ASTN1: variants seen among roughly 807,000 people sequenced by gnomAD.
ASTN1 encodes astrotactin-1.
ASTN1 carries 41 observed loss-of-function variants against 140.7 expected under a neutral mutation model. The observed-to-expected ratio is 0.29, with a 90% confidence interval of 0.23 to 0.38. The LOEUF is 0.38. ASTN1 is among the 10% of genes least tolerant of loss of function. ASTN1 has a pLI of 1.00. For synonymous variants in ASTN1, 640 were observed against 652.2 expected (o/e 0.98, Z 0.29); for missense variants, 1,479 against 1,678.8 (o/e 0.88, Z 2.08).
intron 2 of ASTN1, among the ~76,000 whole-genome samples, chr1:177,034,155 A>T (rs1242672255): frequency 6.6e-6 from 1 of 151,974 alleles, no homozygotes; most frequent in Non-Finnish European, 1.5e-5. Context: ...TTCCAGTCTC[A>T]TAATAATTAT....
At chr1:176,979,193 C>T (rs1329203413) in intron 8 of ASTN1, among the ~76,000 whole-genome samples, 1 of 152,184 alleles carries the variant, frequency 6.6e-6, no homozygotes, top group Non-Finnish European at 1.5e-5. Context: ...AATCCTCACC[C>T]TGGTCATCAA....
At chr1:176,898,324 G>A (rs748484470) in intron 16 of ASTN1, among the ~76,000 whole-genome samples, 4 of 152,160 alleles carry the variant, frequency 2.6e-5, no homozygotes, top group Non-Finnish European at 5.9e-5. Context: ...CTGCCTTCTG[G>A]TCCCCTCGCC....
intron 1 of ASTN1, among the ~76,000 whole-genome samples, chr1:177,064,164 C>T (rs146348833): frequency 5.3e-5 from 8 of 152,128 alleles, no homozygotes; most frequent in African/African-American, 1.2e-4. Context: ...CCACAACACA[C>T]GCACCAGACA....
In ASTN1 at chr1:176,861,593, T is replaced by C. The variant is rs919730121; in HGVS notation, c.*2691A>G. ...CCTCCAGTCAATTGTACAACCATCC[T>C]AAGATTTTCCCCTGCCCTGTTCATA... On this transcript the variant is annotated 3_prime_UTR_variant, in exon 23 of 23. Coordinates refer to ENST00000361833, the MANE Select transcript of ASTN1 (RefSeq NM_004319.3). 3 of 985,478 alleles carry C rather than the reference T, an allele frequency of 3.0e-6. No individual in the cohort carries two copies. In the African/African-American group the frequency reaches 5.2e-5, roughly 17 times the overall value. The allele number at this position is 985,478 out of a possible 1,614,324, so 61.0% of individuals were successfully genotyped here. A position where few individuals can be genotyped will look rare whatever the true frequency, so the allele number is the denominator to read the frequency against.
intron 11 of ASTN1, 86 bp from the exon 12 acceptor site, chr1:176,949,437 T>C (rs1231221175): frequency 7.2e-6 from 10 of 1,387,624 alleles, no homozygotes; most frequent in South Asian, 1.3e-5. Context: ...TGACACCAAT[T>C]TGTAGCACTC....
chr1:177,072,045 A>T (rs1405238721), intron 1 of ASTN1, among the ~76,000 whole-genome samples: 3 of 152,156 alleles, frequency 2.0e-5, no homozygotes, highest in Admixed American at 2.0e-4. Context: ...TGACAATTTC[A>T]AGGGTTAGAG....
chr1:177,087,941 C>T (rs757980820), intron 1 of ASTN1, among the ~76,000 whole-genome samples: 10 of 152,224 alleles, frequency 6.6e-5, no homozygotes, highest in Non-Finnish European at 1.5e-4. Context: ...CAGGAGATGG[C>T]TGCATTTCAG....
At chr1:176,959,174 G>A (rs1021715207) in intron 9 of ASTN1, among the ~76,000 whole-genome samples, 3 of 152,180 alleles carry the variant, frequency 2.0e-5, no homozygotes, top group African/African-American at 7.2e-5. Flanking sequence ...GAGAGCTTAA[G>A]AAAACCATGA....
chr1:177,026,806 A>T (rs1314314609), intron 5 of ASTN1, among the ~76,000 whole-genome samples: 1 of 152,002 alleles, frequency 6.6e-6, no homozygotes, highest in East Asian at 1.9e-4. Flanking sequence ...CCCTACCCAT[A>T]TCATCTTATA....
chr1:176,958,551 A>G (rs377741815), intron 9 of ASTN1, 69 bp from the exon 10 acceptor site: 2 of 1,493,880 alleles, frequency 1.3e-6, no homozygotes, highest in African/African-American at 2.8e-5. Context: ...GGGATCTAGC[A>G]TTCCATTACC....
At chr1:177,123,959 C>T (rs1681522001) in intron 1 of ASTN1, among the ~76,000 whole-genome samples, 1 of 152,138 alleles carries the variant, frequency 6.6e-6, no homozygotes, top group Non-Finnish European at 1.5e-5. Flanking sequence ...GAGGACTGGT[C>T]CATTGTGTAA....
chr1:177,158,656 G>A (rs1683347807), intron 1 of ASTN1, among the ~76,000 whole-genome samples: 2 of 12,192 alleles, frequency 1.6e-4, no homozygotes, highest in South Asian at 0.012. Flanking sequence ...AAAAAAGTAC[G>A]TGTGTGTGTG....
intron 16 of ASTN1, among the ~76,000 whole-genome samples, chr1:176,900,659 C>A (rs1669729734): frequency 6.6e-6 from 1 of 152,186 alleles, no homozygotes; most frequent in Non-Finnish European, 1.5e-5. Flanking sequence ...ATTTCTTAAT[C>A]TTCCTGTGTT....
intron 8 of ASTN1, among the ~76,000 whole-genome samples, chr1:177,005,102 C>G (rs1674927425): frequency 6.6e-6 from 1 of 151,906 alleles, no homozygotes; most frequent in Non-Finnish European, 1.5e-5. Flanking sequence ...CTGCAAAGGA[C>G]TAATATCCAA....
intron 20 of ASTN1, among the ~76,000 whole-genome samples, chr1:176,879,473 T>C (rs1366748678): frequency 6.6e-6 from 1 of 152,194 alleles, no homozygotes; most frequent in South Asian, 2.1e-4. Context: ...TCCTTAACCC[T>C]GGACCCTTAA....
At position 176,868,889 on chromosome 1, in the gene ASTN1, C is replaced by G; in HGVS notation, c.3602G>C (p.Ser1201Thr). ...ACATCGCCAGGTGAATTCCCCAAAA[C>G]TCTCATAGTGCTGGTTATAGTGGTA... ...VLYHYNQHYE[S>T]FGEFTWRCED... The change falls in exon 22 of 23, where the codon AGT becomes ACT. Residue 1201 changes from serine to threonine, a missense_variant. By Grantham distance (58) the Ser-to-Thr change is moderately conservative. Around this residue, in one of 3 missense-constraint regions of ASTN1, gnomAD observed 746 missense variants for 800.9 expected, o/e 0.93. Coordinates refer to ENST00000361833, the MANE Select transcript of ASTN1 (RefSeq NM_004319.3). 6.2e-7 allele frequency: 1 copy of G among 1,609,236 alleles called. No individual in the cohort carries two copies. Among genetic ancestry groups the G allele is most frequent in the Non-Finnish European group, 8.5e-7 (1 of 1,176,960 alleles).
Position 176,965,166 on chromosome 1 carries a change from A to T in ASTN1, c.1595T>A (p.Phe532Tyr). The T allele has an allele frequency of 6.2e-7, 1 of 1,613,798 alleles. No individual in the cohort carries two copies. The highest frequency in any genetic ancestry group is 1.1e-5 in the South Asian group (1 of 91,048). ...AAGTCCCTAGACAATCACTTACCTA[A>T]ATATTTTATCAGAGGGCTGCTCTCC... ...VLGEQPSDKI[F>Y]RFTYTLGEGM... is the part of the protein sequence containing the mutation. The change falls in exon 9 of 23, where the codon TTT (phenylalanine) becomes TAT (tyrosine). Residue 532 changes from phenylalanine (F) to tyrosine (Y), a missense_variant. Physicochemically the swap from Phe to Tyr is conservative, Grantham distance 22 (BLOSUM62 3). This residue lies in a region of ASTN1 where 729 missense variants were observed against 860.4 expected (regional missense o/e 0.85). Coordinates refer to ENST00000361833, the MANE Select transcript of ASTN1 (RefSeq NM_004319.3).
At chr1:176,877,973 C>G (rs534164657) in intron 20 of ASTN1, among the ~76,000 whole-genome samples, 1 of 152,202 alleles carries the variant, frequency 6.6e-6, no homozygotes, top group Admixed American at 6.5e-5. Flanking sequence ...AGAGAAAAGA[C>G]AACCATGGCC....
intron 8 of ASTN1, among the ~76,000 whole-genome samples, chr1:176,980,150 GA>G (rs1381421930): frequency 1.3e-5 from 2 of 152,060 alleles, no homozygotes; most frequent in African/African-American, 4.8e-5. Flanking sequence ...AGAAATTGAG[GA>G]GTTGAAACAA....
Sources: allele counts gnomAD v4.1 joint callset (sites outside exome capture counted in the v4.1 genomes callset), GRCh38; gene constraint gnomAD v4.1.1; regional missense constraint gnomAD v4.1.1; transcripts MANE v1.5; gene names NCBI Gene and HGNC (gene_info 2026-07-23, HGNC 2026-07-21).